Variants in RABL2B observed in about 807,000 individuals in gnomAD.
The protein encoded by RABL2B is RAB, member of RAS oncogene family like 2B.
A neutral mutation model predicts 26.7 loss-of-function variants in RABL2B; 17 were observed. That is an observed-to-expected ratio of 0.64 (90% CI 0.44 to 0.95). The LOEUF (loss-of-function observed/expected upper bound fraction) is 0.95. RABL2B is among the 40% of genes least tolerant of loss of function. RABL2B has a pLI of 0.00. For synonymous variants in RABL2B, 70 were observed against 103.9 expected (o/e 0.67, Z 1.99); for missense variants, 170 against 277.2 (o/e 0.61, Z 2.75).
rs782090674 is a variant in RABL2B at position 50,775,804 on chromosome 22, A to G, written c.265T>C (p.Ser89Pro). 1.9e-6 allele frequency: 3 copies of G among 1,614,170 alleles called. No homozygotes were observed. Among genetic ancestry groups the G allele is most frequent in the Non-Finnish European group, 2.5e-6 (3 of 1,180,028 alleles). ...GQERFQSMHA[S>P]YYHKAHACIM... ...CAGGCGTGGGCCTTGTGGTAGTAGG[A>G]GGCATGCATGCTCTGGAACCGCTCC... The change falls in exon 5 of 9, where the codon TCC becomes CCC. Residue 89 changes from serine (S) to proline (P), a missense_variant. Coordinates refer to ENST00000691320, the MANE Select transcript of RABL2B (RefSeq NM_001130919.3).
At position 50,768,554 on chromosome 22, in the gene RABL2B, G is replaced by C; in HGVS notation, c.*222C>G. 8.8e-7 allele frequency: 1 copy of C among 1,141,150 alleles called. No homozygotes were observed. Among genetic ancestry groups the C allele is most frequent in the Non-Finnish European group, 1.2e-6 (1 of 825,058 alleles). The allele number at this position is 1,141,150 out of a possible 1,614,324, so 70.7% of individuals were successfully genotyped here. ...GTTAATGATGCTGATCCCTACTTCT[G>C]CTTCAAGGAGATCTGGTGGGGAATT... On this transcript the variant is annotated 3_prime_UTR_variant, in exon 9 of 9. Transcript: ENST00000691320.
chr22:50,772,982 G>A (rs1478399744), intron 5 of RABL2B: 20 of 1,288,460 alleles, frequency 1.6e-5, no homozygotes, highest in Admixed American at 1.2e-4. Flanking sequence ...GCCAGGGCCC[G>A]TGCAGCAGAC....
chr22:50,774,633 T>C (rs2084693546), intron 5 of RABL2B, among the ~76,000 whole-genome samples: 2 of 149,672 alleles, frequency 1.3e-5, no homozygotes, highest in Admixed American at 1.3e-4. Context: ...CCGCCAAGTT[T>C]TGGGGTTTTG....
At chr22:50,776,267 A>G (rs2084964505) in intron 4 of RABL2B, among the ~76,000 whole-genome samples, 2 of 152,186 alleles carry the variant, frequency 1.3e-5, no homozygotes, top group South Asian at 4.1e-4. Context: ...GACCCGATGG[A>G]AGGTCGCAGC....
At chr22:50,776,642 C>A in intron 4 of RABL2B, 28 bp downstream of exon 4, 1 of 1,586,924 alleles carries the variant, frequency 6.3e-7, no homozygotes, top group Non-Finnish European at 8.6e-7. Context: ...TCCTGAGGGT[C>A]AGCATGTCTT....
chr22:50,770,144 T>G (rs1555917323), intron 5 of RABL2B, 128 bp from the exon 6 acceptor site: 1 of 1,522,170 alleles, frequency 6.6e-7, no homozygotes, highest in Non-Finnish European at 8.9e-7. Context: ...CGCTCTGAAT[T>G]GCAGCCTCTC....
chr22:50,775,007 G>A (rs1354834491), intron 5 of RABL2B, among the ~76,000 whole-genome samples: 1 of 152,200 alleles, frequency 6.6e-6, no homozygotes, highest in Non-Finnish European at 1.5e-5. Context: ...TCAAACTGCT[G>A]ACCTCAGGTG....
At chr22:50,769,653 G>A in intron 6 of RABL2B, 101 bp from the exon 7 acceptor site, 2 of 1,573,236 alleles carry the variant, frequency 1.3e-6, no homozygotes, top group South Asian at 1.2e-5. Context: ...AGTGGGATAG[G>A]CAGGGATGAT....
In RABL2B at chr22:50,778,032, G is replaced by A. The variant is rs372186948; in HGVS notation, c.108-51C>T. On this transcript the variant is annotated intron_variant, in intron 2 of 8. Transcript: ENST00000691320. ...CAGATGGCGTCTCCATCTCTCCCTC[G>A]TCCCAGACTTTTTCACCCTAAGGCT... The A allele has an allele frequency of 2.3e-4, 365 of 1,613,778 alleles. 2 individuals are homozygous for A. The African/African-American group carries it at 4.5e-3, about 20-fold the overall frequency.
At chr22:50,775,137 G>A (rs1418747590) in intron 5 of RABL2B, among the ~76,000 whole-genome samples, 2 of 152,206 alleles carry the variant, frequency 1.3e-5, no homozygotes, top group African/African-American at 2.4e-5. Flanking sequence ...GCATTTAAAA[G>A]TGGTGGCCTG....
At chr22:50,773,291 T>C (rs1436557375) in intron 5 of RABL2B, among the ~76,000 whole-genome samples, 1 of 152,180 alleles carries the variant, frequency 6.6e-6, no homozygotes, top group Non-Finnish European at 1.5e-5. Flanking sequence ...GTTAAAGCTT[T>C]TGGAATTTTT....
intron 2 of RABL2B, among the ~76,000 whole-genome samples, chr22:50,779,185 A>G (rs1232269365): frequency 6.6e-6 from 1 of 151,274 alleles, no homozygotes; most frequent in Non-Finnish European, 1.5e-5. Flanking sequence ...CTTAAGGAAA[A>G]GTTGCCTCTG....
At chr22:50,777,870 A>G in intron 3 of RABL2B, 82 bp downstream of exon 3, 1 of 1,607,278 alleles carries the variant, frequency 6.2e-7, no homozygotes, top group South Asian at 1.1e-5. Flanking sequence ...CTGCTGGTAC[A>G]AAGGTGTGGG....
intron 5 of RABL2B, chr22:50,771,377 A>C (rs1156344173): frequency 2.0e-5 from 3 of 149,472 alleles, no homozygotes; most frequent in Non-Finnish European, 2.9e-5. Flanking sequence ...CCTAGGTTCA[A>C]GTGATTCTCT....
In RABL2B at chr22:50,768,392, G is replaced by A. The variant is rs1481065031; in HGVS notation, c.*384C>T. On this transcript the variant is annotated 3_prime_UTR_variant, in exon 9 of 9. Coordinates refer to ENST00000691320, the MANE Select transcript of RABL2B (RefSeq NM_001130919.3). ...AGGAGAAGCCCAAGGAATTGTCCCC[G>A]AGGTGAGCTTTGGAAAGAAAACAAA... The A allele has an allele frequency of 4.3e-5, 13 of 301,442 alleles. No homozygotes were observed. Among genetic ancestry groups the A allele is most frequent in the Non-Finnish European group, 5.7e-5 (9 of 157,336 alleles). 18.7% of individuals were successfully genotyped at this position (301,442 alleles called of 1,614,324 possible).
At position 50,777,904 on chromosome 22, in the gene RABL2B, G is replaced by T. The variant is rs141841916; in HGVS notation, c.137+48C>A. Reference sequence around the variant, plus strand: ...GGCAGTGGGACACTGATACATGAGCGTGGGAAGACCCACAGGAACAAGGGG... The same window carrying T: ...GGCAGTGGGACACTGATACATGAGCTTGGGAAGACCCACAGGAACAAGGGG... On this transcript the variant is annotated intron_variant, in intron 3 of 8. Transcript: ENST00000691320. 1.5e-3 allele frequency: 2,386 copies of T among 1,613,816 alleles called. 2 individuals are homozygous for T. Among genetic ancestry groups the T allele is most frequent in the Non-Finnish European group, 1.7e-3 (1,964 of 1,179,734 alleles).
intron 5 of RABL2B, chr22:50,770,621 G>A (rs1306337394): frequency 6.5e-6 from 1 of 152,746 alleles, no homozygotes; most frequent in Non-Finnish European, 1.5e-5. Context: ...AATTGATGCA[G>A]TCTGTTAGAA....
chr22:50,777,479 C>T (rs868971207), intron 3 of RABL2B, among the ~76,000 whole-genome samples: 4 of 141,124 alleles, frequency 2.8e-5, no homozygotes, highest in East Asian at 2.0e-4. Flanking sequence ...CTCCCAGTTG[C>T]GGGGAGGAAC....
At chr22:50,780,622 G>T (rs1555927938) in intron 2 of RABL2B, 1 of 466,488 alleles carries the variant, frequency 2.1e-6, no homozygotes. Context: ...CCTTCCCTCA[G>T]ATGCACTGTT....
Sources: gnomAD v4.1 joint callset for allele counts (sites outside exome capture counted in the v4.1 genomes callset) on GRCh38, gnomAD v4.1.1 for gene constraint, MANE v1.5 for transcripts, NCBI Gene and HGNC (gene_info 2026-07-23, HGNC 2026-07-21) for gene names.